The following MYO1A variants were observed in gnomAD, a reference collection of about 807,000 sequenced individuals.
The protein encoded by MYO1A is unconventional myosin-Ia.
A neutral mutation model predicts 138.5 loss-of-function variants in MYO1A; 127 were observed. The ratio of observed to expected loss-of-function variants is 0.92; its 90% CI spans 0.79 to 1.06. The LOEUF is 1.06. Ranked by LOEUF, MYO1A falls within the 50% of genes least tolerant of loss-of-function variation. The probability of loss-of-function intolerance (pLI) is 0.00; values close to 1 mark genes in which losing one functional copy is unlikely to be tolerated. For missense variants in MYO1A, 1,211 were observed against 1,288.8 expected (o/e 0.94, Z 0.92); for synonymous variants, 477 against 497.5 (o/e 0.96, Z 0.55).
At position 57,036,764 on chromosome 12, in the gene MYO1A, T is replaced by C; in HGVS notation, c.2274+8A>G. ...ATGTGAGGAAACCTCTCTTCCACTC[T>C]CCATTACCTTCCACCCTCTCACAAA... On this transcript the variant is annotated splice_region_variant and intron_variant, in intron 21 of 27. Transcript: ENST00000300119. 6.2e-7 allele frequency: 1 copy of C among 1,614,078 alleles called. No homozygotes were observed. Among genetic ancestry groups the C allele is most frequent in the Non-Finnish European group, 8.5e-7 (1 of 1,179,946 alleles).
At chr12:57,030,477 T>C (rs907881701) in intron 23 of MYO1A, among the ~76,000 whole-genome samples, 161 bp from the exon 24 acceptor site, 1 of 151,738 alleles carries the variant, frequency 6.6e-6, no homozygotes, top group African/African-American at 2.4e-5. Context: ...TGGAGGACCA[T>C]TGAGGAGGAG....
chr12:57,031,330 A>C (rs2030276358), intron 22 of MYO1A, among the ~76,000 whole-genome samples, 156 bp from the exon 23 acceptor site: 1 of 152,136 alleles, frequency 6.6e-6, no homozygotes, highest in African/African-American at 2.4e-5. Flanking sequence ...CACCTCTTGG[A>C]TCTTTTTCAG....
chr12:57,037,457 G>T, intron 19 of MYO1A, 91 bp downstream of exon 19: 1 of 1,131,782 alleles, frequency 8.8e-7, no homozygotes, highest in Non-Finnish European at 1.3e-6. Flanking sequence ...ATCCATTCCA[G>T]GTTATACACG....
In MYO1A at chr12:57,037,645, T is replaced by C. The variant is rs765410478; in HGVS notation, c.1962-4A>G. ...CAGGACCTTCTCAACACCTTCCCTA[T>C]GGAAGCAAATGACAGAAAGCTGCAG... On this transcript the variant is annotated splice_region_variant and splice_polypyrimidine_tract_variant and intron_variant, in intron 18 of 27. Coordinates refer to ENST00000300119, the MANE Select transcript of MYO1A (RefSeq NM_005379.4). The C allele has an allele frequency of 3.7e-6, 6 of 1,613,678 alleles. No individual in the cohort carries two copies. The Admixed American group carries it at 5.0e-5, about 13-fold the overall frequency.
At chr12:57,035,237 C>T (rs368552800) in intron 22 of MYO1A, among the ~76,000 whole-genome samples, 2 of 152,144 alleles carry the variant, frequency 1.3e-5, no homozygotes, top group East Asian at 1.9e-4. Context: ...AATCAGATTA[C>T]AGGTCTCAGG....
intron 21 of MYO1A, 147 bp from the exon 22 acceptor site, chr12:57,036,528 C>T (rs2030554378): frequency 3.1e-6 from 3 of 978,610 alleles, no homozygotes; most frequent in Admixed American, 3.8e-5. Context: ...GACAAGTTGG[C>T]AGTGAGGACA....
At chr12:57,031,638 G>T (rs1381036351) in intron 22 of MYO1A, among the ~76,000 whole-genome samples, 1 of 152,162 alleles carries the variant, frequency 6.6e-6, no homozygotes, top group Non-Finnish European at 1.5e-5. Context: ...GCAAATAAAG[G>T]AGCAAAGGAG....
In MYO1A at chr12:57,028,722, A is replaced by C; in HGVS notation, c.*33T>G. On this transcript the variant is annotated 3_prime_UTR_variant, in exon 28 of 28. Transcript: ENST00000300119. ...GGGGGATTAGTGCTGGTTCAGGAGG[A>C]AGCAACTGCCATCTCTGCATGGTGC... is the stretch of plus-strand genomic sequence containing the variant. 1 of 1,612,876 alleles carries C rather than the reference A, an allele frequency of 6.2e-7. No homozygotes were observed. The highest frequency in any genetic ancestry group is 8.5e-7 in the Non-Finnish European group (1 of 1,179,352).
intron 18 of MYO1A, 45 bp from the exon 19 acceptor site, chr12:57,037,686 GA>G: frequency 1.9e-6 from 3 of 1,580,942 alleles, no homozygotes; most frequent in Non-Finnish European, 2.6e-6. Context: ...TATCTCAGGA[GA>G]AAGTCCTCTT....
In MYO1A at chr12:57,038,474, C is replaced by G; in HGVS notation, c.1698G>C (p.Gln566His). The change falls in exon 17 of 28, where the codon CAG (glutamine) becomes CAC (histidine). Residue 566 changes from glutamine to histidine, a missense_variant. By Grantham distance (24) the Gln-to-His change is conservative. Coordinates refer to ENST00000300119, the MANE Select transcript of MYO1A (RefSeq NM_005379.4). ...TGAGGATGGCCACAGAACTCTTGAA[C>G]TGGGCCCCAGCAGTCGGGGGGCGTT... ...SLKRPPTAGA[Q>H]FKSSVAILMK... 6.2e-7 allele frequency: 1 copy of G among 1,614,244 alleles called. No individual in the cohort carries two copies. Among genetic ancestry groups the G allele is most frequent in the Non-Finnish European group, 8.5e-7 (1 of 1,180,052 alleles).
chr12:57,029,484 A>AC lies in MYO1A; in HGVS notation c.2827dup (p.Val943GlyfsTer12). On this transcript the variant is annotated frameshift_variant, in exon 26 of 28. Transcript: ENST00000300119. LOFTEE classifies it high-confidence loss of function. ...CCCATCCTTGAGGCTGGTGACTGAC[A>AC]CCCCAGCCACATTGTCTAGCCCAAT... is the stretch of plus-strand genomic sequence containing the variant. 1.9e-6 allele frequency: 3 copies of AC among 1,612,346 alleles called. No homozygotes were observed. The highest frequency in any genetic ancestry group is 2.5e-6 in the Non-Finnish European group (3 of 1,179,596).
Position 57,029,826 on chromosome 12 carries a change from G to A in MYO1A, c.2638C>T (p.Pro880Ser). Residue 880 changes from proline (P) to serine (S), a missense_variant, in exon 25 of 28, where the codon CCC becomes TCC. By Grantham distance (74) the Pro-to-Ser change is moderately conservative. Coordinates refer to ENST00000300119, the MANE Select transcript of MYO1A (RefSeq NM_005379.4). ...CGDYIGLQGN[P>S]KLQKLKGGEE... ...CCGCCTTTCAGCTTCTGCAGCTTGG[G>A]GTTCCCTTGCAGCCCAATGTAGTCA... is the stretch of plus-strand genomic sequence containing the variant. 1 of 1,614,174 alleles carries A rather than the reference G, an allele frequency of 6.2e-7. No homozygotes were observed. The highest frequency in any genetic ancestry group is 8.5e-7 in the Non-Finnish European group (1 of 1,180,044).
chr12:57,031,820 A>G (rs908244917), intron 22 of MYO1A, among the ~76,000 whole-genome samples: 6 of 152,176 alleles, frequency 3.9e-5, no homozygotes, highest in African/African-American at 1.2e-4. Context: ...CAAAAATCCA[A>G]TCAGCGGAGG....
chr12:57,028,650 G>C lies in MYO1A; in HGVS notation c.*105C>G, dbSNP rs1024180218. Reference sequence around the variant, plus strand: ...AAGGGTAGTTTAATCCCCAAGCCATGCGCCACGATCAGAGGGGTTAGAGAT... The same window carrying C: ...AAGGGTAGTTTAATCCCCAAGCCATCCGCCACGATCAGAGGGGTTAGAGAT... On this transcript the variant is annotated 3_prime_UTR_variant, in exon 28 of 28. Transcript: ENST00000300119. 3 of 1,489,354 alleles carry C rather than the reference G, an allele frequency of 2.0e-6. No individual in the cohort carries two copies. In the African/African-American group the frequency reaches 4.2e-5, roughly 21 times the overall value. 92.3% of individuals were successfully genotyped at this position (1,489,354 alleles called of 1,614,324 possible).
chr12:57,029,206 A>C lies in MYO1A; in HGVS notation c.2931T>G (p.Ile977Met). Residue 977 changes from isoleucine to methionine, a missense_variant, in exon 27 of 28, where the codon ATT (isoleucine) becomes ATG (methionine). Physicochemically the swap from Ile to Met is conservative, Grantham distance 10. Transcript: ENST00000300119. The stretch of plus-strand genomic sequence containing the variant: ...CCCGGTACATTTTGGTCAGCAGTTC[A>C]ATCACATGCTCGCTGACCAGCAGGA... ...GDFLLVSEHV[I>M]ELLTKMYRAV... 6.2e-7 allele frequency: 1 copy of C among 1,614,144 alleles called. No individual in the cohort carries two copies. The highest frequency in any genetic ancestry group is 8.5e-7 in the Non-Finnish European group (1 of 1,180,018).
rs190945900 is a variant in MYO1A, at chr12:57,031,561, C to T, written c.2350-387G>A. Among the ~76,000 whole-genome samples, 24 of 152,242 alleles carry T rather than the reference C, an allele frequency of 1.6e-4. No homozygotes were observed. The East Asian group carries it at 3.1e-3, about 20-fold the overall frequency. ...GTCTGTGTCAGCTGTTGGCTAGGTA[C>T]CAAATTTCCCCTCCTCTCAAATCAG... On this transcript the variant is annotated intron_variant, in intron 22 of 27. Transcript: ENST00000300119.
At chr12:57,039,736 A>T (rs1404783401) in intron 14 of MYO1A, among the ~76,000 whole-genome samples, 1 of 152,176 alleles carries the variant, frequency 6.6e-6, no homozygotes, top group Non-Finnish European at 1.5e-5. Flanking sequence ...GTGATTCTCA[A>T]ATTTGAGTGT....
In MYO1A at chr12:57,044,224, G is replaced by A; in HGVS notation, c.641-15C>T. ...CTTCAGGGCCTCTGGGAGGGCCAGT[G>A]TTGGGGAAGATGGTTAGTACCCAGG... On this transcript the variant is annotated splice_polypyrimidine_tract_variant and intron_variant, in intron 8 of 27. Coordinates refer to ENST00000300119, the MANE Select transcript of MYO1A (RefSeq NM_005379.4). The A allele has an allele frequency of 6.2e-7, 1 of 1,607,228 alleles. No homozygotes were observed. The highest frequency in any genetic ancestry group is 8.5e-7 in the Non-Finnish European group (1 of 1,174,586).
At chr12:57,051,065 A>C (rs903140578), upstream of MYO1A, 3 of 152,280 alleles carry the variant, frequency 2.0e-5, no homozygotes, top group African/African-American at 7.2e-5. Flanking sequence ...AAATTCCTAA[A>C]AACAGCAAGC....
Sources: gnomAD v4.1 joint callset for allele counts (sites outside exome capture counted in the v4.1 genomes callset) on GRCh38, gnomAD v4.1.1 for gene constraint, MANE v1.5 for transcripts, NCBI Gene and HGNC (gene_info 2026-07-23, HGNC 2026-07-21) for gene names.